The following METTL9 variants were observed in gnomAD, a reference collection of about 807,000 sequenced individuals.
METTL9 encodes the protein protein-L-histidine N-pros-methyltransferase.
METTL9 carries 10 observed loss-of-function variants against 36.0 expected under a neutral mutation model. The observed-to-expected ratio is 0.28, with a 90% CI of 0.17 to 0.47. The LOEUF (loss-of-function observed/expected upper bound fraction) is 0.47, where lower values mean the gene tolerates loss of function less well. Among genes scored for constraint, METTL9 ranks in the 20% least tolerant of loss-of-function variants. METTL9 has a pLI of 0.99. For synonymous variants in METTL9, 175 were observed against 149.7 expected (o/e 1.17, Z -1.23); for missense variants, 246 against 383.5 (o/e 0.64, Z 3.00).
chr16:21,621,154 G>C (rs1232677079), intron 3 of METTL9, among the ~76,000 whole-genome samples: 1 of 151,340 alleles, frequency 6.6e-6, no homozygotes, highest in Non-Finnish European at 1.5e-5. Context: ...GAGAGAGTGT[G>C]TGTGTGTGTG....
intron 4 of METTL9, chr16:21,640,193 C>T (rs1263760636): frequency 1.3e-5 from 2 of 152,172 alleles, no homozygotes; most frequent in African/African-American, 2.4e-5. Context: ...CTGCCTCAGC[C>T]TCCCAAAGTG....
intron 4 of METTL9, among the ~76,000 whole-genome samples, chr16:21,638,633 G>C (rs995433001): frequency 6.6e-6 from 1 of 152,174 alleles, no homozygotes; most frequent in African/African-American, 2.4e-5. Flanking sequence ...GATAATGGCA[G>C]GAAATTGTGG....
chr16:21,648,409 TAGTA>T (rs1382550596), intron 4 of METTL9, among the ~76,000 whole-genome samples: 2 of 152,198 alleles, frequency 1.3e-5, no homozygotes, highest in Non-Finnish European at 2.9e-5. Flanking sequence ...GCCTAAGCTA[TAGTA>T]AGTATTAAAT....
At position 21,599,947 on chromosome 16, in the gene METTL9, C is replaced by A. The variant is rs1965066210; in HGVS notation, c.165+49C>A. On this transcript the variant is annotated intron_variant, in intron 1 of 4. Coordinates refer to ENST00000358154, the MANE Select transcript of METTL9 (RefSeq NM_016025.5). This position sits in a 1 kb window ranked among gnomAD's most constrained non-coding sequence, Gnocchi z 4.4. ...GGCGGGGGCGTGGCGGCCCGGCCTT[C>A]CCGCGCTGGGCCCGGCTATTGTGCG... The A allele has an allele frequency of 1.6e-6, 2 of 1,276,228 alleles. No individual in the cohort carries two copies. The highest frequency in any genetic ancestry group is 2.0e-6 in the Non-Finnish European group (2 of 1,014,732). The allele number at this position is 1,276,228 out of a possible 1,614,324, so 79.1% of individuals were successfully genotyped here.
At chr16:21,651,376 C>T (rs906716720) in intron 4 of METTL9, among the ~76,000 whole-genome samples, 12 of 152,164 alleles carry the variant, frequency 7.9e-5, no homozygotes, top group South Asian at 2.1e-4. Flanking sequence ...CTCCCTATAG[C>T]CTGAAAGTCC....
chr16:21,640,145 G>T (rs1966211547), intron 4 of METTL9: 1 of 151,752 alleles, frequency 6.6e-6, no homozygotes, highest in South Asian at 2.1e-4. Flanking sequence ...TCATCATGTT[G>T]TTCAGGCTGG....
At chr16:21,630,457 C>T (rs11866705) in intron 4 of METTL9, among the ~76,000 whole-genome samples, 16,755 of 152,268 alleles carry the variant, frequency 0.11, 3,093 homozygotes, top group African/African-American at 0.38. Flanking sequence ...ACGCCGTGGC[C>T]GAGGGGGCGC....
intron 4 of METTL9, among the ~76,000 whole-genome samples, chr16:21,625,826 A>T (rs1025305386): frequency 1.3e-5 from 2 of 152,156 alleles, no homozygotes; most frequent in Non-Finnish European, 1.5e-5. Context: ...CTGCATTTTC[A>T]TAAGTTAATG....
intron 1 of METTL9, among the ~76,000 whole-genome samples, chr16:21,600,122 G>C (rs1360179905): frequency 6.6e-6 from 1 of 152,146 alleles, no homozygotes; most frequent in Non-Finnish European, 1.5e-5. Flanking sequence ...CCGCAGCGCA[G>C]GCGGGGCATG....
rs749826676 is a variant in METTL9 at position 21,644,287 on chromosome 16, T to G, written c.752-10940T>G. 21 of 1,592,120 alleles carry G rather than the reference T, an allele frequency of 1.3e-5. No individual in the cohort carries two copies. The Admixed American group carries it at 2.3e-4, about 18-fold the overall frequency. ...ACATTCCATGCAAGAGGATTTGACT[T>G]ACTTTGGAGAGGAGTATGAAGGCCA... On this transcript the variant is annotated intron_variant, in intron 4 of 4. Coordinates refer to ENST00000358154, the MANE Select transcript of METTL9 (RefSeq NM_016025.5).
At chr16:21,606,332 G>C (rs1436302306) in intron 1 of METTL9, among the ~76,000 whole-genome samples, 6 of 151,970 alleles carry the variant, frequency 3.9e-5, no homozygotes, top group Admixed American at 3.9e-4. Context: ...GCGAGACTCC[G>C]TCTCAAAATA....
At position 21,618,085 on chromosome 16, in the gene METTL9, C is replaced by T. The variant is rs761993581; in HGVS notation, c.566+11C>T. 7 of 1,529,994 alleles carry T rather than the reference C, an allele frequency of 4.6e-6. No individual in the cohort carries two copies. In the Admixed American group the frequency reaches 9.1e-5, roughly 20 times the overall value. The allele number at this position is 1,529,994 out of a possible 1,614,324, so 94.8% of individuals were successfully genotyped here. A position where few individuals can be genotyped will look rare whatever the true frequency, so the allele number is the denominator to read the frequency against. Reference sequence around the variant, plus strand: ...GAAAAAGAAATACAGGTATAATTTTCTTGGTTTTAGATGCATTTCTTCTTG... The same window carrying T: ...GAAAAAGAAATACAGGTATAATTTTTTTGGTTTTAGATGCATTTCTTCTTG... On this transcript the variant is annotated intron_variant, in intron 3 of 4. Transcript: ENST00000358154.
chr16:21,611,681 G>A (rs936581755), intron 1 of METTL9, among the ~76,000 whole-genome samples: 3 of 152,118 alleles, frequency 2.0e-5, no homozygotes, highest in Non-Finnish European at 4.4e-5. Flanking sequence ...AGGATATATA[G>A]ACCCCAGTGA....
At chr16:21,616,573 A>C (rs1431604438) in intron 2 of METTL9, among the ~76,000 whole-genome samples, 1 of 152,032 alleles carries the variant, frequency 6.6e-6, no homozygotes, top group African/African-American at 2.4e-5. Flanking sequence ...TCTCCAGTTA[A>C]ACTCCCCTCA....
rs57264395 is a variant in METTL9, at chr16:21,601,729, CTGTG to C, written c.165+1861_165+1864del. On this transcript the variant is annotated intron_variant, in intron 1 of 4. Transcript: ENST00000358154. Reference sequence around the variant, plus strand: ...TTATTTCAGATACCGTATTTATATTCTGTGTGTGTGTGTGTGTGTGTGTGTGTGT... The same window carrying C: ...TTATTTCAGATACCGTATTTATATTCTGTGTGTGTGTGTGTGTGTGTGTGT... 2.9e-3 allele frequency among the ~76,000 whole-genome samples: 421 copies of C among 145,812 alleles called. 3 individuals carry two copies. Among genetic ancestry groups the C allele is most frequent in the African/African-American group, 5.2e-3 (204 of 39,292 alleles).
chr16:21,601,219 C>T (rs1415433207), intron 1 of METTL9, among the ~76,000 whole-genome samples: 1 of 152,136 alleles, frequency 6.6e-6, no homozygotes, highest in Non-Finnish European at 1.5e-5. Flanking sequence ...TGCAAAACCA[C>T]ATTTATTCCT....
chr16:21,604,843 G>C (rs1965231425), intron 1 of METTL9, among the ~76,000 whole-genome samples: 1 of 152,072 alleles, frequency 6.6e-6, no homozygotes, highest in Non-Finnish European at 1.5e-5. Flanking sequence ...GAATGCCTTG[G>C]GTCTTTGATT....
chr16:21,652,335 G>A, intron 4 of METTL9: 2 of 479,526 alleles, frequency 4.2e-6, no homozygotes, highest in Non-Finnish European at 3.7e-6. Context: ...ACTTTTCAAG[G>A]TTAATATGAA....
chr16:21,621,011 C>G (rs988811729), intron 3 of METTL9, among the ~76,000 whole-genome samples: 12 of 151,872 alleles, frequency 7.9e-5, no homozygotes, highest in African/African-American at 2.4e-4. Flanking sequence ...CTCTCTGTCA[C>G]CTGGGCTAGA....
Sources: allele counts gnomAD v4.1 joint callset (sites outside exome capture counted in the v4.1 genomes callset), GRCh38; gene constraint gnomAD v4.1.1; non-coding constraint Gnocchi (gnomAD v3.1); transcripts MANE v1.5; gene names NCBI Gene and HGNC (gene_info 2026-07-23, HGNC 2026-07-21).